Variants in NRXN1 observed in about 807,000 individuals in gnomAD.
NRXN1 encodes the protein neurexin-1.
Under a neutral mutation model 150.9 loss-of-function variants are expected in NRXN1, and 39 were observed. The ratio of observed to expected loss-of-function variants is 0.26; its 90% confidence interval spans 0.20 to 0.34. The LOEUF is 0.34. Ranked by LOEUF, NRXN1 falls within the 10% of genes least tolerant of loss-of-function variation. The pLI is 1.00. For missense variants in NRXN1, 1,815 were observed against 1,949.9 expected (o/e 0.93, Z 1.30); for synonymous variants, 924 against 757.0 (o/e 1.22, Z -3.62).
intron 18 of NRXN1, among the ~76,000 whole-genome samples, chr2:50,215,330 T>C (rs1044466904): frequency 7.9e-5 from 12 of 152,032 alleles, no homozygotes; most frequent in African/African-American, 2.9e-4. Flanking sequence ...AAAGGCCTAT[T>C]ATAAATAAAT....
rs373998868 is a variant in NRXN1, at chr2:50,787,036, TAC to T, written c.832+134831_832+134832del. ...GTAGCTTGCATTGCTGTTTTAGCAT[TAC>T]TAACACTGTTGGGAAAACATCTGTG... is the stretch of plus-strand genomic sequence containing the variant. On this transcript the variant is annotated intron_variant, in intron 5 of 22. Coordinates refer to ENST00000401669, the MANE Select transcript of NRXN1 (RefSeq NM_001330078.2). Among the ~76,000 whole-genome samples the T allele has an allele frequency of 5.9e-5, 9 of 152,248 alleles. No homozygotes were observed. The East Asian group carries it at 1.7e-3, about 29-fold the overall frequency.
chr2:50,238,713 C>CAA (rs1441736637), intron 17 of NRXN1, among the ~76,000 whole-genome samples: 1 of 151,910 alleles, frequency 6.6e-6, no homozygotes, highest in Non-Finnish European at 1.5e-5. Context: ...TTTTTGGAAG[C>CAA]AACTCTTCTT....
At chr2:50,560,998 A>C (rs1668991649) in intron 8 of NRXN1, among the ~76,000 whole-genome samples, 1 of 152,258 alleles carries the variant, frequency 6.6e-6, no homozygotes, top group South Asian at 2.1e-4. Flanking sequence ...TGGAGAGGGA[A>C]AAAACAATAT....
At chr2:50,184,744 C>T (rs1811511) in intron 18 of NRXN1, among the ~76,000 whole-genome samples, 96,697 of 151,668 alleles carry the variant, frequency 0.64, 31,408 homozygotes, top group African/African-American at 0.75. Flanking sequence ...TTAACAAATA[C>T]TTATATAGCA....
chr2:50,797,859 G>C (rs1707060849), intron 5 of NRXN1, among the ~76,000 whole-genome samples: 1 of 152,124 alleles, frequency 6.6e-6, no homozygotes, highest in Non-Finnish European at 1.5e-5. Flanking sequence ...GTCATTCTAA[G>C]ACAAACTAAC....
At chr2:50,368,691 A>T (rs1241879629) in intron 17 of NRXN1, among the ~76,000 whole-genome samples, 1 of 151,994 alleles carries the variant, frequency 6.6e-6, no homozygotes, top group Non-Finnish European at 1.5e-5. Flanking sequence ...TCAAATCTTT[A>T]AGGATTTTCA....
At chr2:50,826,649 G>A (rs557976800) in intron 5 of NRXN1, among the ~76,000 whole-genome samples, 1 of 152,124 alleles carries the variant, frequency 6.6e-6, no homozygotes, top group African/African-American at 2.4e-5. Context: ...ATGACTCCTA[G>A]GTGTATTTCG....
chr2:50,037,185 T>TAA, intron 21 of NRXN1, among the ~76,000 whole-genome samples: 1 of 152,202 alleles, frequency 6.6e-6, no homozygotes, highest in Non-Finnish European at 1.5e-5. Flanking sequence ...TATACAGGGC[T>TAA]AAAACATTTT....
At chr2:50,411,685 T>C (rs1234929803) in intron 17 of NRXN1, among the ~76,000 whole-genome samples, 10 of 118,744 alleles carry the variant, frequency 8.4e-5, no homozygotes, top group Non-Finnish European at 5.0e-5. Flanking sequence ...AGCCGCCCTG[T>C]CTGGGAGGTG....
At chr2:50,402,263 G>A (rs888181619) in intron 17 of NRXN1, among the ~76,000 whole-genome samples, 47 of 152,042 alleles carry the variant, frequency 3.1e-4, no homozygotes, top group African/African-American at 1.1e-3. Context: ...AATTTTATAA[G>A]TATGGATACA....
At chr2:50,509,826 C>G (rs757034324) in intron 12 of NRXN1, among the ~76,000 whole-genome samples, 6 of 152,262 alleles carry the variant, frequency 3.9e-5, no homozygotes, top group Non-Finnish European at 7.4e-5. Context: ...GTGTGTCCCT[C>G]AGAATTCACT....
intron 5 of NRXN1, among the ~76,000 whole-genome samples, chr2:50,778,481 C>CA (rs1485350307): frequency 2.0e-5 from 3 of 152,100 alleles, no homozygotes; most frequent in Non-Finnish European, 2.9e-5. Context: ...ATAATGGTAG[C>CA]ATACAATTAA....
intron 5 of NRXN1, among the ~76,000 whole-genome samples, chr2:50,625,369 G>A (rs746657335): frequency 3.9e-5 from 6 of 152,068 alleles, no homozygotes; most frequent in Non-Finnish European, 8.8e-5. Flanking sequence ...TTGACTACTA[G>A]CAAATTATTA....
At chr2:50,869,619 C>G (rs1364970677) in intron 5 of NRXN1, among the ~76,000 whole-genome samples, 1 of 151,698 alleles carries the variant, frequency 6.6e-6, no homozygotes, top group African/African-American at 2.4e-5. Context: ...AAGGTAATTA[C>G]ATATAGAGCT....
intron 18 of NRXN1, among the ~76,000 whole-genome samples, chr2:50,184,503 T>C (rs2060939084): frequency 6.6e-6 from 1 of 152,066 alleles, no homozygotes; most frequent in Non-Finnish European, 1.5e-5. Flanking sequence ...AAATCAAATG[T>C]ATTTAGGTGT....
intron 17 of NRXN1, among the ~76,000 whole-genome samples, chr2:50,411,119 C>T (rs2083126419): frequency 6.6e-6 from 1 of 151,702 alleles, no homozygotes; most frequent in Non-Finnish European, 1.5e-5. Flanking sequence ...TGTACTGCAA[C>T]CTCCCTGCCT....
At chr2:50,908,670 C>T (rs62140656) in intron 5 of NRXN1, among the ~76,000 whole-genome samples, 11,385 of 152,050 alleles carry the variant, frequency 0.075, 478 homozygotes, top group South Asian at 0.11. Context: ...ATAGGAGTTG[C>T]TATGGTTTGA....
At chr2:50,949,109 G>C (rs1316377975) in intron 2 of NRXN1, among the ~76,000 whole-genome samples, 1 of 151,972 alleles carries the variant, frequency 6.6e-6, no homozygotes, top group Non-Finnish European at 1.5e-5. Context: ...CCTATTAAAA[G>C]TTGAGTGAGA....
chr2:50,737,819 AC>A (rs900046039), intron 5 of NRXN1, among the ~76,000 whole-genome samples: 1 of 152,162 alleles, frequency 6.6e-6, no homozygotes, highest in Non-Finnish European at 1.5e-5. Flanking sequence ...AAAAACACCC[AC>A]CACCAGTAGC....
Sources: allele counts gnomAD v4.1 joint callset (sites outside exome capture counted in the v4.1 genomes callset), GRCh38; gene constraint gnomAD v4.1.1; transcripts MANE v1.5; gene names NCBI Gene and HGNC (gene_info 2026-07-23, HGNC 2026-07-21).